Variants in ZNF423 observed in about 807,000 individuals in gnomAD.
ZNF423 encodes zinc finger protein 423.
In ZNF423, 12 loss-of-function variants were observed where a neutral mutation model predicts 95.8. The observed-to-expected ratio is 0.13, with a 90% CI of 0.08 to 0.20. ZNF423 has a LOEUF of 0.20. Among genes scored for constraint, ZNF423 ranks in the 10% least tolerant of loss-of-function variants. The pLI is 1.00. For synonymous variants in ZNF423, 749 were observed against 711.9 expected (o/e 1.05, Z -0.83); for missense variants, 1,316 against 1,737.1 (o/e 0.76, Z 4.31).
At chr16:49,519,646 T>C (rs1460687802) in intron 7 of ZNF423, among the ~76,000 whole-genome samples, 1 of 152,248 alleles carries the variant, frequency 6.6e-6, no homozygotes, top group African/African-American at 2.4e-5. Flanking sequence ...ATTCGATATG[T>C]GATTTGCAAA....
At chr16:49,832,731 C>G (rs1052226761) in intron 1 of ZNF423, among the ~76,000 whole-genome samples, 1 of 152,098 alleles carries the variant, frequency 6.6e-6, no homozygotes, top group Admixed American at 6.5e-5. Flanking sequence ...AGGGGCCAGG[C>G]AGGGACATCA....
intron 1 of ZNF423, chr16:49,854,623 G>A (rs2035337938): frequency 1.0e-6 from 1 of 985,238 alleles, no homozygotes; most frequent in Non-Finnish European, 1.2e-6. Flanking sequence ...TCTCACAGCC[G>A]AGCGCCCGGG....
chr16:49,746,095 C>G (rs2033518163), intron 2 of ZNF423, among the ~76,000 whole-genome samples: 1 of 152,190 alleles, frequency 6.6e-6, no homozygotes, highest in East Asian at 1.9e-4. Flanking sequence ...TCTCCCCGAG[C>G]CTCAGTTTCC....
At chr16:49,775,066 G>A (rs1042741759) in intron 2 of ZNF423, among the ~76,000 whole-genome samples, 4 of 152,138 alleles carry the variant, frequency 2.6e-5, no homozygotes, top group Non-Finnish European at 4.4e-5. Context: ...CATTGCCTCC[G>A]CCCAGCTCCC....
At chr16:49,688,242 A>G (rs185245667) in intron 3 of ZNF423, among the ~76,000 whole-genome samples, 36 of 152,222 alleles carry the variant, frequency 2.4e-4, no homozygotes, top group Non-Finnish European at 3.4e-4. Context: ...TTAAACTTCA[A>G]ACACAAACTC....
intron 5 of ZNF423, among the ~76,000 whole-genome samples, chr16:49,613,886 C>CA (rs1359582347): frequency 1.4e-5 from 2 of 140,168 alleles, no homozygotes; most frequent in Non-Finnish European, 3.1e-5. Context: ...ATAAAACTTT[C>CA]AGGAAAAAAA....
chr16:49,813,141 C>T (rs2034780368), intron 1 of ZNF423, among the ~76,000 whole-genome samples: 1 of 152,090 alleles, frequency 6.6e-6, no homozygotes, highest in Non-Finnish European at 1.5e-5. Context: ...CTCTCAACTC[C>T]CATTTCCCTG....
intron 2 of ZNF423, among the ~76,000 whole-genome samples, chr16:49,787,371 A>G (rs2034332243): frequency 6.6e-6 from 1 of 152,042 alleles, no homozygotes; most frequent in African/African-American, 2.4e-5. Flanking sequence ...CTGGCTGTGG[A>G]TTATCCACTG....
chr16:49,858,430 C>CCAT (rs1267743041), upstream of ZNF423, among the ~76,000 whole-genome samples: 1 of 148,500 alleles, frequency 6.7e-6, no homozygotes. This position sits in a 1 kb window ranked among gnomAD's most constrained non-coding sequence, Gnocchi z 4.3. Flanking sequence ...CTGGAGGATG[C>CCAT]GGAGAGGCCT....
chr16:49,704,949 C>T (rs577128462), intron 3 of ZNF423, among the ~76,000 whole-genome samples: 30 of 152,328 alleles, frequency 2.0e-4, no homozygotes, highest in African/African-American at 7.2e-4. Flanking sequence ...CACTTACAAA[C>T]CTGTGCCAAC....
chr16:49,747,825 C>T (rs575792423), intron 2 of ZNF423, among the ~76,000 whole-genome samples: 43 of 152,374 alleles, frequency 2.8e-4, no homozygotes, highest in Admixed American at 2.0e-4. Flanking sequence ...GAATCTGTGA[C>T]GCAAGAGATT....
At chr16:49,611,002 T>C (rs536555604) in intron 5 of ZNF423, among the ~76,000 whole-genome samples, 1 of 152,196 alleles carries the variant, frequency 6.6e-6, no homozygotes, top group African/African-American at 2.4e-5. Flanking sequence ...CTGCAAAATA[T>C]GCTAAGCAAA....
chr16:49,494,854 C>T (rs908204078), intron 7 of ZNF423, among the ~76,000 whole-genome samples: 9 of 152,358 alleles, frequency 5.9e-5, no homozygotes, highest in East Asian at 1.9e-4. Context: ...GTTTGAGGAA[C>T]GTGGGGAGGT....
chr16:49,736,415 T>G (rs2033287555), intron 2 of ZNF423, among the ~76,000 whole-genome samples: 1 of 152,032 alleles, frequency 6.6e-6, no homozygotes, highest in Non-Finnish European at 1.5e-5. Context: ...AAACCCAGCT[T>G]CCCTGAACCC....
intron 5 of ZNF423, among the ~76,000 whole-genome samples, chr16:49,596,736 GAGAC>G (rs762865581): frequency 1.3e-5 from 2 of 152,110 alleles, no homozygotes; most frequent in Non-Finnish European, 2.9e-5. Flanking sequence ...CTGCAGGAGA[GAGAC>G]AGAGAATCGC....
At chr16:49,550,123 C>T (rs1264994412) in intron 5 of ZNF423, among the ~76,000 whole-genome samples, 1 of 152,198 alleles carries the variant, frequency 6.6e-6, no homozygotes, top group Admixed American at 6.5e-5. Flanking sequence ...CTACCGTGGC[C>T]TTCCAAAGTG....
intron 3 of ZNF423, among the ~76,000 whole-genome samples, chr16:49,722,943 C>T (rs1237630502): frequency 4.0e-5 from 6 of 148,720 alleles, no homozygotes; most frequent in South Asian, 4.3e-4. Context: ...TTACTATAAA[C>T]GGGGTTCTAA....
At chr16:49,528,307 C>A (rs1212723314) in intron 5 of ZNF423, among the ~76,000 whole-genome samples, 1 of 152,196 alleles carries the variant, frequency 6.6e-6, no homozygotes, top group Non-Finnish European at 1.5e-5. Flanking sequence ...TGATTCATAG[C>A]CGCAGCTACA....
intron 1 of ZNF423, among the ~76,000 whole-genome samples, chr16:49,840,960 C>T (rs117827408): frequency 7.0e-4 from 106 of 152,294 alleles, no homozygotes; most frequent in Non-Finnish European, 1.3e-3. Context: ...AGGACGGATT[C>T]GAGGAGAGAT....
Sources: allele counts gnomAD v4.1 joint callset (sites outside exome capture counted in the v4.1 genomes callset), GRCh38; gene constraint gnomAD v4.1.1; non-coding constraint Gnocchi (gnomAD v3.1); transcripts MANE v1.5; gene names NCBI Gene and HGNC (gene_info 2026-07-23, HGNC 2026-07-21).